DACH1: variants seen among roughly 807,000 people sequenced by gnomAD.
DACH1 encodes the protein dachshund homolog 1.
Under a neutral mutation model 54.2 loss-of-function variants are expected in DACH1, and 12 were observed. The ratio of observed to expected loss-of-function variants is 0.22; its 90% CI spans 0.14 to 0.36. The LOEUF (loss-of-function observed/expected upper bound fraction) is 0.36. DACH1 is among the 10% of genes least tolerant of loss of function. The probability of loss-of-function intolerance (pLI) is 1.00; values close to 1 mark genes in which losing one functional copy is unlikely to be tolerated. For missense variants in DACH1, 805 were observed against 929.8 expected, an observed-to-expected ratio of 0.87 and a Z score of 1.75; for synonymous variants, 386 against 366.2, an observed-to-expected ratio of 1.05 and a Z score of -0.62.
intron 6 of DACH1, among the ~76,000 whole-genome samples, chr13:71,545,213 TTAAA>T (rs1180882699): frequency 2.0e-5 from 3 of 152,200 alleles, no homozygotes; most frequent in Admixed American, 2.0e-4. Context: ...TAACCAGGAC[TTAAA>T]TAGAGAAGTC....
chr13:71,747,679 G>A (rs1884656488), intron 1 of DACH1, among the ~76,000 whole-genome samples: 1 of 152,196 alleles, frequency 6.6e-6, no homozygotes. Context: ...GATTCTGTGA[G>A]TTTCCTCACT....
At chr13:71,500,431 A>T (rs1199969983) in intron 6 of DACH1, among the ~76,000 whole-genome samples, 4 of 152,134 alleles carry the variant, frequency 2.6e-5, no homozygotes, top group African/African-American at 9.7e-5. Flanking sequence ...ATGTGAATAA[A>T]ACAGAACGAT....
intron 6 of DACH1, among the ~76,000 whole-genome samples, chr13:71,501,921 G>C (rs1879949983): frequency 6.6e-6 from 1 of 152,024 alleles, no homozygotes; most frequent in South Asian, 2.1e-4. Flanking sequence ...ATATGTAGAG[G>C]TAAAAGAAGT....
chr13:71,633,339 A>G (rs1877243056), intron 2 of DACH1, among the ~76,000 whole-genome samples: 1 of 152,194 alleles, frequency 6.6e-6, no homozygotes, highest in Non-Finnish European at 1.5e-5. Context: ...AACATTAGGC[A>G]TGCTATTCAT....
intron 1 of DACH1, among the ~76,000 whole-genome samples, chr13:71,738,174 G>T (rs1566470317): frequency 6.6e-6 from 1 of 152,152 alleles, no homozygotes; most frequent in Admixed American, 6.5e-5. Context: ...TCATCAGTAA[G>T]AGTAGCTCCC....
intron 7 of DACH1, among the ~76,000 whole-genome samples, chr13:71,487,548 T>C (rs1019627768): frequency 3.3e-5 from 5 of 152,316 alleles, no homozygotes; most frequent in Middle Eastern, 6.8e-3. Context: ...TGAAATGTAG[T>C]GGTCATATAC....
At chr13:71,844,657 TACC>T (rs1172106826) in intron 1 of DACH1, among the ~76,000 whole-genome samples, 4 of 152,162 alleles carry the variant, frequency 2.6e-5, no homozygotes, top group Admixed American at 1.3e-4. Flanking sequence ...AATTTAGCTA[TACC>T]ACCGTTAACT....
intron 10 of DACH1, among the ~76,000 whole-genome samples, chr13:71,459,749 T>C (rs150457198): frequency 1.2e-3 from 184 of 152,060 alleles, no homozygotes; most frequent in African/African-American, 4.2e-3. Context: ...AAAAACAAGA[T>C]TTATTATTTT....
At chr13:71,736,466 A>T (rs1884123627) in intron 1 of DACH1, among the ~76,000 whole-genome samples, 1 of 152,176 alleles carries the variant, frequency 6.6e-6, no homozygotes, top group African/African-American at 2.4e-5. Flanking sequence ...TAAATATCTT[A>T]AAAAGGAATA....
At position 71,607,317 on chromosome 13, in the gene DACH1, G is replaced by A. The variant is rs189083738; in HGVS notation, c.1126+23239C>T. On this transcript the variant is annotated intron_variant, in intron 3 of 10. Transcript: ENST00000613252. ...TCCTGTTTTAAATTCATGTATACAGGCTTATTATTGTTTTGTATAAAACAT... is the reference window on the plus strand; with the variant it reads ...TCCTGTTTTAAATTCATGTATACAGACTTATTATTGTTTTGTATAAAACAT... 5.7e-4 allele frequency among the ~76,000 whole-genome samples: 86 copies of A among 151,852 alleles called. 2 individuals carry two copies. In the East Asian group the frequency reaches 0.013, roughly 24 times the overall value.
intron 6 of DACH1, among the ~76,000 whole-genome samples, chr13:71,523,457 T>C (rs1881742222): frequency 6.6e-6 from 1 of 152,144 alleles, no homozygotes; most frequent in African/African-American, 2.4e-5. Flanking sequence ...AAATCTGTCA[T>C]TGCTCAGCCT....
chr13:71,648,855 T>A (rs1431464005), intron 2 of DACH1, among the ~76,000 whole-genome samples: 1 of 152,158 alleles, frequency 6.6e-6, no homozygotes, highest in African/African-American at 2.4e-5. Context: ...TTTCCTGCCA[T>A]TTATGCGTTA....
At chr13:71,668,784 G>T (rs1880031914) in intron 2 of DACH1, among the ~76,000 whole-genome samples, 1 of 151,916 alleles carries the variant, frequency 6.6e-6, no homozygotes, top group Non-Finnish European at 1.5e-5. Context: ...AATTAGCCAG[G>T]CATGGTGATG....
chr13:71,543,763 A>T (rs890971351), intron 6 of DACH1, among the ~76,000 whole-genome samples: 19 of 152,148 alleles, frequency 1.2e-4, no homozygotes, highest in African/African-American at 4.6e-4. Flanking sequence ...TACAATACTT[A>T]ATTTATGACA....
At chr13:71,582,716 T>C (rs570692872) in intron 3 of DACH1, among the ~76,000 whole-genome samples, 2 of 152,306 alleles carry the variant, frequency 1.3e-5, no homozygotes, top group South Asian at 2.1e-4. Context: ...CTACTGTTTA[T>C]ATGAAACCAA....
At chr13:71,789,342 G>A (rs1194741836) in intron 1 of DACH1, among the ~76,000 whole-genome samples, 1 of 152,056 alleles carries the variant, frequency 6.6e-6, no homozygotes, top group African/African-American at 2.4e-5. Flanking sequence ...ATGAAGATTA[G>A]ACACCCTATG....
intron 1 of DACH1, among the ~76,000 whole-genome samples, chr13:71,830,745 A>G (rs560767855): frequency 6.6e-6 from 1 of 151,982 alleles, no homozygotes; most frequent in East Asian, 1.9e-4. Context: ...AGAGCTCTCA[A>G]AATCTATCTT....
At chr13:71,455,409 T>G (rs76289563) in intron 10 of DACH1, among the ~76,000 whole-genome samples, 2,304 of 152,162 alleles carry the variant, frequency 0.015, 40 homozygotes, top group African/African-American at 0.037. Flanking sequence ...TCTTCTTCAG[T>G]AGGTGGAAAT....
At chr13:71,759,789 G>A (rs182211490) in intron 1 of DACH1, among the ~76,000 whole-genome samples, 1 of 151,874 alleles carries the variant, frequency 6.6e-6, no homozygotes, top group African/African-American at 2.4e-5. Context: ...ATCACCCAAG[G>A]CTACTTTGTC....
Sources: allele counts gnomAD v4.1 joint callset (sites outside exome capture counted in the v4.1 genomes callset), GRCh38; gene constraint gnomAD v4.1.1; transcripts MANE v1.5; gene names NCBI Gene and HGNC (gene_info 2026-07-23, HGNC 2026-07-21).